Variants in HIPK1 observed in about 807,000 individuals in gnomAD.
HIPK1 encodes homeodomain-interacting protein kinase 1.
In HIPK1, 28 loss-of-function variants were observed where a neutral mutation model predicts 117.1. That is an observed-to-expected ratio of 0.24 (90% CI 0.18 to 0.33). The LOEUF is 0.33. Among genes scored for constraint, HIPK1 ranks in the 10% least tolerant of loss-of-function variants. HIPK1 has a pLI of 1.00. For missense variants in HIPK1, 1,122 were observed against 1,475.1 expected, an observed-to-expected ratio of 0.76 and a Z score of 3.92; for synonymous variants, 605 against 562.5, an observed-to-expected ratio of 1.08 and a Z score of -1.07.
In HIPK1 at chr1:113,929,359, C is replaced by A; in HGVS notation, c.-176C>A. On this transcript the variant is annotated 5_prime_UTR_variant, in exon 1 of 16. Coordinates refer to ENST00000426820, the MANE Select transcript of HIPK1 (RefSeq NM_198268.3). ...AGTTGGATCCCGTACCACCGCCAGG[C>A]ACCTTTAAATCACCGCAGAGTCTGC... 1 of 1,289,510 alleles carries A rather than the reference C, an allele frequency of 7.8e-7. No homozygotes were observed. Among genetic ancestry groups the A allele is most frequent in the South Asian group, 1.2e-5 (1 of 81,024 alleles). The allele number at this position is 1,289,510 out of a possible 1,614,324, so 79.9% of individuals were successfully genotyped here.
intron 2 of HIPK1, among the ~76,000 whole-genome samples, chr1:113,950,091 A>G (rs1671247624): frequency 6.6e-6 from 1 of 152,130 alleles, no homozygotes; most frequent in South Asian, 2.1e-4. Flanking sequence ...TCTAAGGGCC[A>G]CTATTTATGT....
intron 12 of HIPK1, 50 bp downstream of exon 12, chr1:113,967,998 AT>A (rs1195738141): frequency 3.3e-6 from 5 of 1,513,596 alleles, no homozygotes; most frequent in Non-Finnish European, 4.5e-6. Flanking sequence ...TTTGAGAGAT[AT>A]GTTGCCTTGC....
In HIPK1 at chr1:113,977,127, G is replaced by A. The variant is rs1673180230; in HGVS notation, c.*3615G>A. 1 of 152,690 alleles carries A rather than the reference G, an allele frequency of 6.5e-6. No homozygotes were observed. The highest frequency in any genetic ancestry group is 2.4e-5 in the African/African-American group (1 of 41,412). 9.5% of individuals were successfully genotyped at this position (152,690 alleles called of 1,614,324 possible). A position where few individuals can be genotyped will look rare whatever the true frequency, so the allele number is the denominator to read the frequency against. On this transcript the variant is annotated 3_prime_UTR_variant, in exon 16 of 16. Coordinates refer to ENST00000426820, the MANE Select transcript of HIPK1 (RefSeq NM_198268.3). ...AGGCAAGCACAGTAATGTGTGTTTT[G>A]TTCAGCATTATTATGCAAAAATTCA...
At chr1:113,958,708 A>G (rs1012883580) in intron 8 of HIPK1, among the ~76,000 whole-genome samples, 2 of 152,266 alleles carry the variant, frequency 1.3e-5, no homozygotes, top group South Asian at 4.1e-4. Flanking sequence ...CCCAATAAAA[A>G]GTGATTTTAT....
chr1:113,965,342 T>A (rs918086811), intron 10 of HIPK1, among the ~76,000 whole-genome samples: 3 of 152,182 alleles, frequency 2.0e-5, no homozygotes, highest in Admixed American at 6.6e-5. Context: ...AGAAAACATT[T>A]GTTGCTCAGT....
rs936905618 is a variant in HIPK1, at chr1:113,966,274, C to G, written c.2381+2C>G. 6 of 1,612,484 alleles carry G rather than the reference C, an allele frequency of 3.7e-6. No individual in the cohort carries two copies. In the African/African-American group the frequency reaches 8.0e-5, roughly 22 times the overall value. On this transcript the variant is annotated splice_donor_variant, in intron 11 of 15. Coordinates refer to ENST00000426820, the MANE Select transcript of HIPK1 (RefSeq NM_198268.3). LOFTEE classifies it high-confidence loss of function. The stretch of plus-strand genomic sequence containing the variant: ...TGGACAGCAGCTAGCTGACTGGAGG[C>G]AAGTGTCCTGTGTTACTCTGGGAGA...
At chr1:113,953,475 A>G (rs1671501345) in intron 3 of HIPK1, among the ~76,000 whole-genome samples, 2 of 152,170 alleles carry the variant, frequency 1.3e-5, no homozygotes, top group Non-Finnish European at 2.9e-5. Flanking sequence ...ATGTTTTACT[A>G]TGGAAGTAAA....
At position 113,955,559 on chromosome 1, in the gene HIPK1, A is replaced by G. The variant is rs1229156810; in HGVS notation, c.1321-4A>G. On this transcript the variant is annotated splice_polypyrimidine_tract_variant and splice_region_variant and intron_variant, in intron 4 of 15. Coordinates refer to ENST00000426820, the MANE Select transcript of HIPK1 (RefSeq NM_198268.3). ...ATTTAAGGAGGAAAATCTTTATTTT[A>G]TAGACACCTGAAGAACATGAACTGG... is the stretch of plus-strand genomic sequence containing the variant. 3 of 1,519,046 alleles carry G rather than the reference A, an allele frequency of 2.0e-6. No homozygotes were observed. Among genetic ancestry groups the G allele is most frequent in the Admixed American group, 3.7e-5 (2 of 54,024 alleles). The allele number at this position is 1,519,046 out of a possible 1,614,324, so 94.1% of individuals were successfully genotyped here.
intron 1 of HIPK1, chr1:113,929,759 G>A: frequency 2.3e-6 from 2 of 871,000 alleles, no homozygotes; most frequent in Non-Finnish European, 2.8e-6. Context: ...GAGCGGGAGG[G>A]AGGCTGAGGA....
chr1:113,946,545 TA>T (rs1671005868), intron 2 of HIPK1, among the ~76,000 whole-genome samples: 1 of 152,254 alleles, frequency 6.6e-6, no homozygotes, highest in Admixed American at 6.5e-5. Context: ...TTCATTTGAA[TA>T]ATTTTCAGTG....
At chr1:113,930,757 G>T in intron 1 of HIPK1, 1 of 152,312 alleles carries the variant, frequency 6.6e-6, no homozygotes. Context: ...TGTGAGCAAT[G>T]GCCTGTGTTT....
intron 3 of HIPK1, among the ~76,000 whole-genome samples, chr1:113,954,297 C>T (rs759344586): frequency 6.6e-6 from 1 of 152,182 alleles, no homozygotes; most frequent in Non-Finnish European, 1.5e-5. Flanking sequence ...TCCGTAAATA[C>T]ACTTCTACCT....
chr1:113,961,930 G>A (rs1672142605), intron 8 of HIPK1, among the ~76,000 whole-genome samples: 1 of 115,684 alleles, frequency 8.6e-6, no homozygotes. Flanking sequence ...GTGACAGAGC[G>A]AGACTCCATC....
At chr1:113,951,184 A>G (rs1671338793) in intron 2 of HIPK1, 9 of 954,460 alleles carry the variant, frequency 9.4e-6, no homozygotes, top group South Asian at 4.8e-5. Flanking sequence ...TATTATTGCT[A>G]TTAGTGTTAC....
At chr1:113,964,470 T>C (rs192725448) in intron 10 of HIPK1, among the ~76,000 whole-genome samples, 2 of 152,336 alleles carry the variant, frequency 1.3e-5, no homozygotes, top group East Asian at 3.9e-4. Flanking sequence ...GTTAGAATTG[T>C]TTATTGGATA....
In HIPK1 at chr1:113,973,634, C is replaced by G; in HGVS notation, c.*122C>G. ...ATTTCTTAGCCAGCAACTTGTTCTG[C>G]AGGGGCCCACTGAAGCAGAAGGTTT... On this transcript the variant is annotated 3_prime_UTR_variant, in exon 16 of 16. Transcript: ENST00000426820. The G allele has an allele frequency of 8.7e-7, 1 of 1,155,116 alleles. No homozygotes were observed. Among genetic ancestry groups the G allele is most frequent in the East Asian group, 2.5e-5 (1 of 39,776 alleles). 71.6% of individuals were successfully genotyped at this position (1,155,116 alleles called of 1,614,324 possible).
chr1:113,941,634 G>A lies in HIPK1; in HGVS notation c.1076+175G>A, dbSNP rs1014273379. 6.6e-6 allele frequency among the ~76,000 whole-genome samples: 1 copy of A among 152,120 alleles called. No individual in the cohort carries two copies. The highest frequency in any genetic ancestry group is 1.5e-5 in the Non-Finnish European group (1 of 68,010). ...ATTCCTATATATGACATTTATTTCT[G>A]AAATTTTATCTAGCACTGGAAAAAT... On this transcript the variant is annotated intron_variant, in intron 2 of 15. Coordinates refer to ENST00000426820, the MANE Select transcript of HIPK1 (RefSeq NM_198268.3). The surrounding 1 kb of genome is among the most constrained non-coding windows in gnomAD (Gnocchi z 4.9).
intron 3 of HIPK1, 171 bp from the exon 4 acceptor site, chr1:113,954,480 C>T (rs1016345091): frequency 1.7e-6 from 1 of 593,364 alleles, no homozygotes. Flanking sequence ...ATAATAGATA[C>T]AGTAGCTGTG....
At position 113,968,547 on chromosome 1, in the gene HIPK1, T is replaced by TCAG. The variant is rs1356084876; in HGVS notation, c.2672_2674dup (p.Gln891dup). The TCAG allele has an allele frequency of 6.2e-7, 1 of 1,614,074 alleles. No homozygotes were observed. The highest frequency in any genetic ancestry group is 1.6e-4 in the Middle Eastern group (1 of 6,062). On this transcript the variant is annotated inframe_insertion, in exon 13 of 16. Transcript: ENST00000426820. Reference sequence around the variant, plus strand: ...CCTTGGTCCCTGTCCAAGATCAGCATCAGCCCATCATCATTCCAGATACTC... The same window carrying TCAG: ...CCTTGGTCCCTGTCCAAGATCAGCATCAGCAGCCCATCATCATTCCAGATACTC...
Sources: gnomAD v4.1 joint callset for allele counts (sites outside exome capture counted in the v4.1 genomes callset) on GRCh38, gnomAD v4.1.1 for gene constraint, Gnocchi (gnomAD v3.1) non-coding constraint, MANE v1.5 for transcripts, NCBI Gene and HGNC (gene_info 2026-07-23, HGNC 2026-07-21) for gene names.